PROS1: variants seen among roughly 807,000 people sequenced by gnomAD.
PROS1 encodes protein S.
Under a neutral mutation model 75.9 loss-of-function variants are expected in PROS1, and 29 were observed. That is an observed-to-expected ratio of 0.38 (90% CI 0.28 to 0.52). The LOEUF (loss-of-function observed/expected upper bound fraction) is 0.52, where lower values mean the gene tolerates loss of function less well. Ranked by LOEUF, PROS1 falls within the 20% of genes least tolerant of loss-of-function variation. PROS1 has a pLI of 0.83. For synonymous variants in PROS1, 245 were observed against 280.6 expected, an observed-to-expected ratio of 0.87 and a Z score of 1.27; for missense variants, 680 against 810.3, an observed-to-expected ratio of 0.84 and a Z score of 1.95.
chr3:93,903,109 C>A (rs1240706663), intron 6 of PROS1, among the ~76,000 whole-genome samples: 1 of 152,048 alleles, frequency 6.6e-6, no homozygotes, highest in African/African-American at 2.4e-5. Context: ...TGTTGTTGAT[C>A]CACCCACCTC....
At chr3:93,882,175 A>C (rs980302742) in intron 12 of PROS1, among the ~76,000 whole-genome samples, 4 of 152,210 alleles carry the variant, frequency 2.6e-5, no homozygotes, top group African/African-American at 9.6e-5. Context: ...GTTGGTAGAA[A>C]TATTAATTGA....
chr3:93,874,042 T>C lies in PROS1; in HGVS notation c.*203A>G. 1.7e-6 allele frequency: 1 copy of C among 578,152 alleles called. No individual in the cohort carries two copies. The allele number at this position is 578,152 out of a possible 1,614,324, so 35.8% of individuals were successfully genotyped here. ...ATTGTTATTTTTCACTATTCTTAGA[T>C]AGCAAGAGAAGTAAGAATTTCTTTA... On this transcript the variant is annotated 3_prime_UTR_variant, in exon 15 of 15. Coordinates refer to ENST00000394236, the MANE Select transcript of PROS1 (RefSeq NM_000313.4).
intron 7 of PROS1, among the ~76,000 whole-genome samples, 193 bp downstream of exon 7, chr3:93,900,611 A>G (rs1245796346): frequency 6.6e-6 from 1 of 152,224 alleles, no homozygotes; most frequent in Non-Finnish European, 1.5e-5. Flanking sequence ...CCTAACACCA[A>G]ACTTAAAGAC....
At chr3:93,891,865 G>C (rs1417778326) in intron 10 of PROS1, among the ~76,000 whole-genome samples, 2 of 151,924 alleles carry the variant, frequency 1.3e-5, no homozygotes, top group African/African-American at 4.8e-5. Context: ...GACCAGCCTG[G>C]GCAACATAGC....
At chr3:93,917,923 TCCAGGGCGCCCAGTC>T (rs1243434421) in intron 3 of PROS1, among the ~76,000 whole-genome samples, 2 of 152,040 alleles carry the variant, frequency 1.3e-5, no homozygotes, top group Non-Finnish European at 2.9e-5. Flanking sequence ...CACCCCCTGC[TCCAGGGCGCCCAGTC>T]CCATTGACCA....
rs377174703 is a variant in PROS1 at position 93,877,154 on chromosome 3, C to T, written c.1682G>A (p.Arg561Gln). ...LLSVENTVIY[R>Q]IQALSLCSDQ... ...GGAACATAGACTTAGGGCCTGTATCCGATATATTACAGTATTTTCAACAGA... is the reference window on the plus strand; with the variant it reads ...GGAACATAGACTTAGGGCCTGTATCTGATATATTACAGTATTTTCAACAGA... The change falls in exon 14 of 15, where the codon CGG (arginine) becomes CAG (glutamine). Residue 561 changes from arginine (R) to glutamine (Q), a missense_variant. Coordinates refer to ENST00000394236, the MANE Select transcript of PROS1 (RefSeq NM_000313.4). The T allele has an allele frequency of 6.5e-5, 105 of 1,609,012 alleles. 1 individual carries two copies. The highest frequency in any genetic ancestry group is 3.1e-4 in the South Asian group (28 of 90,936).
rs754614924 is a variant in PROS1, at chr3:93,950,545, C to T, written c.76+23129G>A. Reference sequence around the variant, plus strand: ...TCTGCAATATTTGCTGTTCTGCAGCCTCCACTGGTGATACCCAGGAAAATA... The same window carrying T: ...TCTGCAATATTTGCTGTTCTGCAGCTTCCACTGGTGATACCCAGGAAAATA... On this transcript the variant is annotated intron_variant, in intron 1 of 14. Transcript: ENST00000394236. 3.3e-5 allele frequency among the ~76,000 whole-genome samples: 5 copies of T among 152,200 alleles called. No individual in the cohort carries two copies. In the East Asian group the frequency reaches 9.6e-4, roughly 29 times the overall value.
rs1207775549 is a variant in PROS1, at chr3:93,873,343, C to T, written c.*902G>A. ...TTCACTATATCCCTCTGTGGTTGTC[C>T]TTTTGTTAAAATTTGTTCTGGTTTT... On this transcript the variant is annotated 3_prime_UTR_variant, in exon 15 of 15. Coordinates refer to ENST00000394236, the MANE Select transcript of PROS1 (RefSeq NM_000313.4). The T allele has an allele frequency of 6.6e-6, 1 of 152,142 alleles. No individual in the cohort carries two copies. Among genetic ancestry groups the T allele is most frequent in the Non-Finnish European group, 1.5e-5 (1 of 68,014 alleles). The allele number at this position is 152,142 out of a possible 1,614,324, so 9.4% of individuals were successfully genotyped here.
At chr3:93,972,791 T>C (rs547789592) in intron 1 of PROS1, among the ~76,000 whole-genome samples, 25 of 152,106 alleles carry the variant, frequency 1.6e-4, no homozygotes, top group Middle Eastern at 3.4e-3. Context: ...GGAGGTTGCA[T>C]TGAGCGGAGA....
chr3:93,911,967 C>T (rs1708764754), intron 3 of PROS1, among the ~76,000 whole-genome samples: 1 of 152,132 alleles, frequency 6.6e-6, no homozygotes, highest in African/African-American at 2.4e-5. Context: ...TGGAAAAATA[C>T]AGTGTATCAC....
At chr3:93,876,779 T>A (rs1708195966) in intron 14 of PROS1, among the ~76,000 whole-genome samples, 187 bp downstream of exon 14, 1 of 152,004 alleles carries the variant, frequency 6.6e-6, no homozygotes, top group Admixed American at 6.6e-5. Flanking sequence ...AGTTCAACAT[T>A]TTTAAACTAA....
chr3:93,902,453 G>A (rs1339941818), intron 6 of PROS1, among the ~76,000 whole-genome samples: 1 of 152,146 alleles, frequency 6.6e-6, no homozygotes, highest in Non-Finnish European at 1.5e-5. Flanking sequence ...ATGTCTGACT[G>A]AAAGGTTGTA....
At chr3:93,906,413 G>A (rs1708676475) in intron 4 of PROS1, among the ~76,000 whole-genome samples, 1 of 152,184 alleles carries the variant, frequency 6.6e-6, no homozygotes, top group African/African-American at 2.4e-5. Flanking sequence ...TGTGGGCCAG[G>A]GCCTCCCACT....
chr3:93,943,272 C>G (rs1306328986), intron 1 of PROS1, among the ~76,000 whole-genome samples: 1 of 152,084 alleles, frequency 6.6e-6, no homozygotes, highest in Non-Finnish European at 1.5e-5. Context: ...AAGGATAGAG[C>G]CCAAAAACTC....
At chr3:93,921,954 G>A (rs1435466999) in intron 3 of PROS1, among the ~76,000 whole-genome samples, 4 of 151,998 alleles carry the variant, frequency 2.6e-5, no homozygotes, top group Admixed American at 2.0e-4. Context: ...TATTTTTTGT[G>A]TTTGTTTTCT....
chr3:93,874,523 T>G, intron 14 of PROS1, 118 bp from the exon 15 acceptor site: 1 of 1,357,194 alleles, frequency 7.4e-7, no homozygotes, highest in Non-Finnish European at 1.0e-6. Context: ...AAAGGAAAAG[T>G]TAATAGTGAA....
At chr3:93,938,040 T>C (rs920279529) in intron 1 of PROS1, among the ~76,000 whole-genome samples, 7 of 152,152 alleles carry the variant, frequency 4.6e-5, no homozygotes, top group African/African-American at 1.7e-4. Flanking sequence ...CCCATCCCAA[T>C]GTACATGAAG....
At chr3:93,918,296 C>T (rs1483034154) in intron 3 of PROS1, among the ~76,000 whole-genome samples, 3 of 152,082 alleles carry the variant, frequency 2.0e-5, no homozygotes, top group Non-Finnish European at 4.4e-5. Context: ...AGACCACTCG[C>T]TCTATCAATC....
intron 12 of PROS1, among the ~76,000 whole-genome samples, chr3:93,881,253 T>A (rs1032862681): frequency 1.2e-4 from 19 of 152,118 alleles, no homozygotes; most frequent in African/African-American, 4.6e-4. Flanking sequence ...GCCCAGAAGG[T>A]CTAGGTTACA....
Sources: allele counts gnomAD v4.1 joint callset (sites outside exome capture counted in the v4.1 genomes callset), GRCh38; gene constraint gnomAD v4.1.1; transcripts MANE v1.5; gene names NCBI Gene and HGNC (gene_info 2026-07-23, HGNC 2026-07-21).